Variants in GPR143 observed in about 807,000 individuals in gnomAD.
GPR143 encodes the protein G protein-coupled receptor 143.
Under a neutral mutation model 27.6 loss-of-function variants are expected in GPR143, and 8 were observed. That is an observed-to-expected ratio of 0.29 (90% CI 0.17 to 0.52). The LOEUF (loss-of-function observed/expected upper bound fraction) is 0.52. GPR143 is among the 20% of genes least tolerant of loss of function. GPR143 has a pLI of 0.96. For missense variants in GPR143, 303 were observed against 343.1 expected (o/e 0.88, Z 0.92); for synonymous variants, 156 against 153.2 (o/e 1.02, Z -0.13).
intron 3 of GPR143, among the ~76,000 whole-genome samples, chrX:9,754,990 C>G (rs1214347439): frequency 5.4e-5 from 6 of 111,880 alleles, no homozygotes; most frequent in African/African-American, 1.9e-4. Flanking sequence ...ATGGCTGTAT[C>G]ACACTGCTGA....
chrX:9,766,467 T>G (rs771231006), upstream of GPR143, among the ~76,000 whole-genome samples: 181 of 112,261 alleles, frequency 1.6e-3, no homozygotes, highest in African/African-American at 5.4e-3. Flanking sequence ...AGCTCACACC[T>G]GTAATCCCAG....
At chrX:9,756,416 G>A (rs2083474150) in intron 3 of GPR143, among the ~76,000 whole-genome samples, 1 of 111,919 alleles carries the variant, frequency 8.9e-6, no homozygotes, top group African/African-American at 3.3e-5. Flanking sequence ...AAAAACTTCT[G>A]TGCTTTGAAA....
intron 6 of GPR143, among the ~76,000 whole-genome samples, chrX:9,743,173 TGCACTCCA>T (rs2146687050): frequency 1.1e-5 from 1 of 88,279 alleles, no homozygotes; most frequent in African/African-American, 4.5e-5. Flanking sequence ...ATTGAGCCAC[TGCACTCCA>T]GCACTCCAGC....
At chrX:9,770,323 A>AGAGAG (rs2083549800), upstream of GPR143, among the ~76,000 whole-genome samples, 6 of 88,999 alleles carry the variant, frequency 6.7e-5, no homozygotes, top group African/African-American at 2.4e-4. Flanking sequence ...AAGAAAGAAA[A>AGAGAG]AGAGAGAGAG....
chrX:9,751,135 G>A (rs901809359), intron 3 of GPR143, among the ~76,000 whole-genome samples: 4 of 112,544 alleles, frequency 3.6e-5, no homozygotes, highest in Non-Finnish European at 7.5e-5. Context: ...GGGTGAACAC[G>A]GAAACCCTCT....
At chrX:9,725,999 AAAAAAAG>A in intron 8 of GPR143, 159 bp from the exon 9 acceptor site, 1 of 725,538 alleles carries the variant, frequency 1.4e-6, no homozygotes, top group African/African-American at 2.4e-5. Context: ...AAAAAAAAAA[AAAAAAAG>A]GTGGGAGGGG....
At chrX:9,762,602 C>A (rs1349663640) in intron 1 of GPR143, among the ~76,000 whole-genome samples, 1 of 111,504 alleles carries the variant, frequency 9.0e-6, no homozygotes, top group Non-Finnish European at 1.9e-5. Context: ...TAAACACATA[C>A]CATGTAATAT....
chrX:9,754,066 G>C (rs963944809), intron 3 of GPR143, among the ~76,000 whole-genome samples: 114 of 111,427 alleles, frequency 1.0e-3, no homozygotes, highest in African/African-American at 3.6e-3. Flanking sequence ...TCTCCTGTCT[G>C]ATGGGACGAG....
At chrX:9,744,595 C>T (rs888333852) in intron 5 of GPR143, among the ~76,000 whole-genome samples, 5 of 110,529 alleles carry the variant, frequency 4.5e-5, no homozygotes, top group African/African-American at 1.6e-4. Context: ...ATCCCAGCTA[C>T]TCGGGAGGCT....
intron 6 of GPR143, 114 bp downstream of exon 6, chrX:9,743,451 C>T: frequency 1.9e-6 from 1 of 530,201 alleles, no homozygotes; most frequent in Middle Eastern, 5.2e-4. Context: ...TCAAAGATTT[C>T]CTTCCCAAAG....
At chrX:9,760,167 C>T (rs2083490024) in intron 2 of GPR143, among the ~76,000 whole-genome samples, 1 of 111,980 alleles carries the variant, frequency 8.9e-6, no homozygotes, top group African/African-American at 3.3e-5. Flanking sequence ...TCTTGGCTCA[C>T]TGCAACCTCC....
At position 9,725,583 on chromosome X, in the gene GPR143, T is replaced by C. The variant is rs1245436221; in HGVS notation, c.*163A>G. ...GTGTGTGCATGAACCCTTTCTCCTA[T>C]CCTAAAGGCCCTTCGGGAAGAAGCT... On this transcript the variant is annotated 3_prime_UTR_variant, in exon 9 of 9. Transcript: ENST00000467482. The C allele has an allele frequency of 2.2e-6, 1 of 458,205 alleles. No homozygotes were observed. The highest frequency in any genetic ancestry group is 3.9e-6 in the Non-Finnish European group (1 of 259,713). 37.8% of individuals were successfully genotyped at this position (458,205 alleles called of 1,213,427 possible).
intron 6 of GPR143, among the ~76,000 whole-genome samples, chrX:9,741,965 G>A (rs967978038): frequency 8.9e-6 from 1 of 111,783 alleles, no homozygotes; most frequent in African/African-American, 3.3e-5. Context: ...AACATAATTC[G>A]TTTTCTCAGT....
intron 6 of GPR143, 32 bp from the exon 7 acceptor site, chrX:9,741,487 G>A (rs775657525): frequency 1.4e-6 from 1 of 700,030 alleles, no homozygotes. Context: ...CAGGTAAAGA[G>A]AACATGCAAT....
chrX:9,753,347 G>T (rs1224699377), intron 3 of GPR143, among the ~76,000 whole-genome samples: 1 of 101,623 alleles, frequency 9.8e-6, no homozygotes, highest in Middle Eastern at 5.0e-3. Context: ...GACAGAGCAA[G>T]ACTCCGTCTC....
At chrX:9,728,297 T>C (rs1369529057) in intron 8 of GPR143, among the ~76,000 whole-genome samples, 2 of 108,994 alleles carry the variant, frequency 1.8e-5, no homozygotes, top group African/African-American at 6.7e-5. Flanking sequence ...GCAGCACTAG[T>C]ACCTTGGAGC....
At chrX:9,771,324 G>A (rs908459445) in intron 1 of GPR143, among the ~76,000 whole-genome samples, 1 of 111,739 alleles carries the variant, frequency 8.9e-6, no homozygotes, top group Admixed American at 9.5e-5. Context: ...GCCTCCCAGA[G>A]TGCCGAAATT....
At chrX:9,755,530 G>A (rs1285354631) in intron 3 of GPR143, among the ~76,000 whole-genome samples, 2 of 107,708 alleles carry the variant, frequency 1.9e-5, no homozygotes, top group Non-Finnish European at 3.8e-5. Flanking sequence ...CCGATAATAT[G>A]TAACTGGCAT....
At chrX:9,733,153 G>A (rs913953726) in intron 8 of GPR143, among the ~76,000 whole-genome samples, 1 of 111,135 alleles carries the variant, frequency 9.0e-6, no homozygotes, top group Non-Finnish European at 1.9e-5. Context: ...GGAAATTGCT[G>A]GAGAAAGGCA....
Sources: gnomAD v4.1 joint callset for allele counts (sites outside exome capture counted in the v4.1 genomes callset) on GRCh38, gnomAD v4.1.1 for gene constraint, MANE v1.5 for transcripts, NCBI Gene and HGNC (gene_info 2026-07-23, HGNC 2026-07-21) for gene names.